The following CTNND2 variants were observed in gnomAD, a reference collection of about 807,000 sequenced individuals.
CTNND2 encodes the protein catenin delta-2.
A neutral mutation model predicts 144.4 loss-of-function variants in CTNND2; 22 were observed. The ratio of observed to expected loss-of-function variants is 0.15; its 90% CI spans 0.11 to 0.22. The LOEUF is 0.22. CTNND2 is among the 10% of genes least tolerant of loss of function. The pLI is 1.00. For synonymous variants in CTNND2, 751 were observed against 695.6 expected (o/e 1.08, Z -1.25); for missense variants, 1,353 against 1,618.8 (o/e 0.84, Z 2.82).
chr5:11,632,054 C>T (rs2561601), intron 2 of CTNND2, among the ~76,000 whole-genome samples: 3,749 of 152,234 alleles, frequency 0.025, 151 homozygotes, highest in African/African-American at 0.086. Flanking sequence ...AACAATGAAG[C>T]TCTTGGTGTT....
intron 15 of CTNND2, among the ~76,000 whole-genome samples, chr5:11,085,907 C>T (rs923970653): frequency 8.5e-5 from 13 of 152,102 alleles, no homozygotes. Flanking sequence ...AGGATGACTG[C>T]AGTGGCTGAG....
intron 16 of CTNND2, among the ~76,000 whole-genome samples, chr5:11,038,626 T>A (rs1744344495): frequency 6.6e-6 from 1 of 152,134 alleles, no homozygotes; most frequent in Admixed American, 6.5e-5. Flanking sequence ...GAGACCTAGG[T>A]AGTGGATGTG....
chr5:11,481,152 A>C (rs1230232639), intron 3 of CTNND2, among the ~76,000 whole-genome samples: 1 of 152,212 alleles, frequency 6.6e-6, no homozygotes, highest in Non-Finnish European at 1.5e-5. Context: ...ACATAATAAC[A>C]AAAAGGTGCA....
At chr5:11,029,442 A>G (rs1170665440) in intron 16 of CTNND2, among the ~76,000 whole-genome samples, 1 of 152,102 alleles carries the variant, frequency 6.6e-6, no homozygotes, top group Non-Finnish European at 1.5e-5. Context: ...TCTTTCGTCT[A>G]TATAGTTTAA....
chr5:11,357,801 T>C (rs778910850), intron 8 of CTNND2, among the ~76,000 whole-genome samples: 2 of 152,262 alleles, frequency 1.3e-5, no homozygotes, highest in African/African-American at 4.8e-5. Flanking sequence ...TTGTATCCCA[T>C]GAACATGTAC....
chr5:11,745,733 C>T (rs535817086), intron 1 of CTNND2, among the ~76,000 whole-genome samples: 9 of 152,176 alleles, frequency 5.9e-5, no homozygotes, highest in Non-Finnish European at 1.3e-4. Flanking sequence ...CAAGTCCATG[C>T]ATTATTCATT....
At chr5:11,502,641 G>T (rs1770649952) in intron 3 of CTNND2, among the ~76,000 whole-genome samples, 1 of 152,090 alleles carries the variant, frequency 6.6e-6, no homozygotes, top group Non-Finnish European at 1.5e-5. Flanking sequence ...TTTTATCCCT[G>T]TTCATAACAA....
At chr5:11,043,739 A>C (rs769355324) in intron 16 of CTNND2, among the ~76,000 whole-genome samples, 49 of 152,194 alleles carry the variant, frequency 3.2e-4, no homozygotes, top group Non-Finnish European at 5.9e-4. Flanking sequence ...AGGAAAAGAA[A>C]AGAAGCTGCA....
At position 11,032,349 on chromosome 5, in the gene CTNND2, A is replaced by C. The variant is rs966713961; in HGVS notation, c.2789-9370T>G. On this transcript the variant is annotated intron_variant, in intron 16 of 21. Transcript: ENST00000304623. ...ACAATGCTGGAATGTTTTGTCTCTC[A>C]TTTCTCTTTTGGGAAGTATTTGGAG... 5.9e-5 allele frequency among the ~76,000 whole-genome samples: 9 copies of C among 152,278 alleles called. No individual in the cohort carries two copies. In the East Asian group the frequency reaches 1.7e-3, roughly 29 times the overall value.
chr5:11,201,540 C>T (rs148139611), intron 10 of CTNND2, among the ~76,000 whole-genome samples: 2,178 of 152,252 alleles, frequency 0.014, 48 homozygotes, highest in Admixed American at 0.049. Flanking sequence ...AATATGCCTA[C>T]GGGAATTATT....
intron 1 of CTNND2, among the ~76,000 whole-genome samples, chr5:11,823,622 A>T (rs977984710): frequency 3.9e-5 from 6 of 152,164 alleles, no homozygotes; most frequent in Admixed American, 6.6e-5. Context: ...ACTTTTTTAT[A>T]TAATATTTTA....
At chr5:11,553,861 T>A (rs1775986040) in intron 3 of CTNND2, among the ~76,000 whole-genome samples, 2 of 152,132 alleles carry the variant, frequency 1.3e-5, no homozygotes, top group South Asian at 4.1e-4. Flanking sequence ...TTAGTTATAT[T>A]GATTGTTTTT....
intron 2 of CTNND2, among the ~76,000 whole-genome samples, chr5:11,686,861 A>G (rs1784678115): frequency 6.7e-6 from 1 of 148,416 alleles, no homozygotes; most frequent in Admixed American, 6.8e-5. Context: ...ATAAACATAT[A>G]TACATACTAC....
intron 1 of CTNND2, among the ~76,000 whole-genome samples, chr5:11,798,591 A>G (rs912809174): frequency 6.6e-6 from 1 of 152,156 alleles, no homozygotes; most frequent in Non-Finnish European, 1.5e-5. Context: ...ACATGGTGAA[A>G]CCCTGTCTTT....
chr5:11,190,400 T>C (rs981358481), intron 11 of CTNND2, among the ~76,000 whole-genome samples: 2 of 152,196 alleles, frequency 1.3e-5, no homozygotes, highest in African/African-American at 4.8e-5. Flanking sequence ...TGTGCCCTAG[T>C]GGCTGGCAGA....
At chr5:11,070,406 T>TC (rs1748128042) in intron 16 of CTNND2, among the ~76,000 whole-genome samples, 1 of 151,932 alleles carries the variant, frequency 6.6e-6, no homozygotes, top group African/African-American at 2.4e-5. Flanking sequence ...TTACTAGAAA[T>TC]TATCAAAACT....
At chr5:11,540,367 C>T (rs1774611985) in intron 3 of CTNND2, among the ~76,000 whole-genome samples, 1 of 152,130 alleles carries the variant, frequency 6.6e-6, no homozygotes, top group Admixed American at 6.5e-5. Context: ...TCCCCTTCAC[C>T]TTTGTATCTT....
At chr5:11,013,146 AC>A in intron 18 of CTNND2, among the ~76,000 whole-genome samples, 1 of 152,174 alleles carries the variant, frequency 6.6e-6, no homozygotes, top group Non-Finnish European at 1.5e-5. Flanking sequence ...TTATCTCTGA[AC>A]TCACAGGGGC....
At chr5:11,031,929 T>A (rs1339194866) in intron 16 of CTNND2, among the ~76,000 whole-genome samples, 1 of 152,266 alleles carries the variant, frequency 6.6e-6, no homozygotes, top group Non-Finnish European at 1.5e-5. Context: ...CTTTTGAGAC[T>A]TTTGGTGTCA....
Sources: allele counts gnomAD v4.1 joint callset (sites outside exome capture counted in the v4.1 genomes callset), GRCh38; gene constraint gnomAD v4.1.1; transcripts MANE v1.5; gene names NCBI Gene and HGNC (gene_info 2026-07-23, HGNC 2026-07-21).